EPSTI1: variants seen among roughly 807,000 people sequenced by gnomAD.
EPSTI1 encodes epithelial stromal interaction 1.
EPSTI1 carries 66 observed loss-of-function variants against 49.9 expected under a neutral mutation model. That is an observed-to-expected ratio of 1.32 (90% CI 1.08 to 1.62). The LOEUF (loss-of-function observed/expected upper bound fraction) is 1.62, where lower values mean the gene tolerates loss of function less well. EPSTI1 is among the 40% of genes most tolerant of loss of function. The pLI, the probability that EPSTI1 is intolerant of heterozygous loss-of-function variation, is 0.00. For synonymous variants in EPSTI1, 137 were observed against 130.7 expected (o/e 1.05, Z -0.33); for missense variants, 394 against 365.5 (o/e 1.08, Z -0.64).
chr13:42,968,803 T>A (rs975174137), intron 3 of EPSTI1, among the ~76,000 whole-genome samples: 6 of 152,018 alleles, frequency 3.9e-5, no homozygotes, highest in African/African-American at 9.7e-5. Context: ...GGTAAGCTTT[T>A]TCAGAGTCAA....
intron 1 of EPSTI1, among the ~76,000 whole-genome samples, chr13:42,972,586 C>T (rs559363137): frequency 1.3e-5 from 2 of 152,314 alleles, no homozygotes; most frequent in Admixed American, 1.3e-4. Flanking sequence ...CTGCAGCTAA[C>T]TTTTCAACTC....
intron 8 of EPSTI1, among the ~76,000 whole-genome samples, chr13:42,906,235 G>T (rs376135384): frequency 5.9e-5 from 9 of 152,178 alleles, no homozygotes; most frequent in African/African-American, 1.9e-4. Context: ...GGCTCCAATT[G>T]TCTGATGGTG....
At chr13:42,899,884 T>C (rs2037304798) in intron 9 of EPSTI1, among the ~76,000 whole-genome samples, 1 of 152,156 alleles carries the variant, frequency 6.6e-6, no homozygotes. Flanking sequence ...TTAAATAATG[T>C]TAGTGAGTTT....
intron 3 of EPSTI1, among the ~76,000 whole-genome samples, chr13:42,966,693 G>C (rs2039625592): frequency 1.2e-5 from 1 of 83,526 alleles, no homozygotes; most frequent in African/African-American, 3.7e-5. Context: ...GAGGGAGGTG[G>C]GGGGGTCAGC....
chr13:42,910,187 G>A (rs974652393), intron 8 of EPSTI1, among the ~76,000 whole-genome samples: 9 of 147,084 alleles, frequency 6.1e-5, no homozygotes, highest in African/African-American at 7.5e-5. Flanking sequence ...GTCCCATAAC[G>A]TATTTTCTAA....
At chr13:42,921,115 T>A (rs1346688984) in intron 7 of EPSTI1, among the ~76,000 whole-genome samples, 1 of 151,974 alleles carries the variant, frequency 6.6e-6, no homozygotes, top group Non-Finnish European at 1.5e-5. Flanking sequence ...AAGTCAGAGA[T>A]AACACAAGAA....
chr13:42,957,285 G>C (rs1011610558), intron 5 of EPSTI1, among the ~76,000 whole-genome samples: 18 of 152,188 alleles, frequency 1.2e-4, no homozygotes, highest in African/African-American at 3.1e-4. Context: ...TATTTAGGGA[G>C]AAATATCAAG....
At chr13:42,941,432 A>T (rs2038744959) in intron 6 of EPSTI1, among the ~76,000 whole-genome samples, 1 of 152,056 alleles carries the variant, frequency 6.6e-6, no homozygotes, top group Non-Finnish European at 1.5e-5. Flanking sequence ...TTTCCCCAAT[A>T]GTCATTTTTA....
intron 6 of EPSTI1, among the ~76,000 whole-genome samples, chr13:42,936,098 A>G (rs1351535574): frequency 6.6e-6 from 1 of 152,186 alleles, no homozygotes; most frequent in Non-Finnish European, 1.5e-5. Flanking sequence ...TCTCCTTTTA[A>G]TCATTGACTA....
At chr13:42,905,895 G>T (rs2037484214) in intron 8 of EPSTI1, among the ~76,000 whole-genome samples, 1 of 152,224 alleles carries the variant, frequency 6.6e-6, no homozygotes, top group Non-Finnish European at 1.5e-5. Flanking sequence ...TTGTGTTTGT[G>T]CACATCTTAT....
At chr13:42,942,255 A>G (rs528442101) in intron 6 of EPSTI1, among the ~76,000 whole-genome samples, 2 of 152,154 alleles carry the variant, frequency 1.3e-5, no homozygotes, top group Non-Finnish European at 2.9e-5. Flanking sequence ...TTTCTAGGCA[A>G]TCCAAGAGCT....
chr13:42,979,029 T>C (rs1012892536), intron 1 of EPSTI1, among the ~76,000 whole-genome samples: 5 of 152,206 alleles, frequency 3.3e-5, no homozygotes, highest in Admixed American at 2.0e-4. Flanking sequence ...TATTTATAAA[T>C]AATACATCTT....
At chr13:42,916,301 A>G (rs1049926055) in intron 8 of EPSTI1, among the ~76,000 whole-genome samples, 2 of 151,710 alleles carry the variant, frequency 1.3e-5, no homozygotes, top group Admixed American at 1.3e-4. Flanking sequence ...AAGGGATAAA[A>G]ATGTTTCATG....
chr13:42,937,448 GT>G (rs1256096586), intron 6 of EPSTI1, among the ~76,000 whole-genome samples: 1 of 152,198 alleles, frequency 6.6e-6, no homozygotes, highest in Non-Finnish European at 1.5e-5. Context: ...TTTACCCATA[GT>G]AGAACTTCAT....
rs1175581232 is a variant in EPSTI1, at chr13:42,922,245, GC to G, written c.657+4090del. ...GAAACAGGTGGTGGGTTGCATAATGGCCCCCCAAAGACGTCCCAATCCCTGG... is the reference window on the plus strand; with the variant it reads ...GAAACAGGTGGTGGGTTGCATAATGGCCCCCAAAGACGTCCCAATCCCTGG... On this transcript the variant is annotated intron_variant, in intron 7 of 10. Transcript: ENST00000313624. This position sits in a 1 kb window ranked among gnomAD's most constrained non-coding sequence, Gnocchi z 4.8. Among the ~76,000 whole-genome samples, 2 of 152,194 alleles carry G rather than the reference GC, an allele frequency of 1.3e-5. No individual in the cohort carries two copies. Among genetic ancestry groups the G allele is most frequent in the Admixed American group, 6.5e-5 (1 of 15,280 alleles).
chr13:42,974,966 C>A (rs755197102), intron 1 of EPSTI1, among the ~76,000 whole-genome samples: 5 of 151,762 alleles, frequency 3.3e-5, no homozygotes, highest in African/African-American at 9.7e-5. Context: ...TAATTTCAAG[C>A]AGAATAGTAG....
At chr13:42,921,920 A>C (rs1170407189) in intron 7 of EPSTI1, among the ~76,000 whole-genome samples, 1 of 152,332 alleles carries the variant, frequency 6.6e-6, no homozygotes, top group African/African-American at 2.4e-5. Flanking sequence ...AATTGTTTAG[A>C]AATTTGCGTC....
intron 6 of EPSTI1, among the ~76,000 whole-genome samples, chr13:42,932,986 G>A (rs1162068320): frequency 1.3e-5 from 2 of 152,140 alleles, no homozygotes; most frequent in Non-Finnish European, 2.9e-5. Flanking sequence ...CCCACTGAAT[G>A]TGTTAAGGTC....
intron 6 of EPSTI1, among the ~76,000 whole-genome samples, chr13:42,931,367 G>T (rs1173466086): frequency 6.6e-6 from 1 of 151,622 alleles, no homozygotes; most frequent in East Asian, 1.9e-4. Context: ...CACCGCGCCC[G>T]GCTAATTTTT....
Sources: gnomAD v4.1 joint callset for allele counts (sites outside exome capture counted in the v4.1 genomes callset) on GRCh38, gnomAD v4.1.1 for gene constraint, Gnocchi (gnomAD v3.1) non-coding constraint, MANE v1.5 for transcripts, NCBI Gene and HGNC (gene_info 2026-07-23, HGNC 2026-07-21) for gene names.